Variants in NSUN7 observed in about 807,000 individuals in gnomAD.
NSUN7 encodes the protein protein NSUN7.
A neutral mutation model predicts 58.5 loss-of-function variants in NSUN7; 39 were observed. That is an observed-to-expected ratio of 0.67 (90% CI 0.52 to 0.87). The LOEUF is 0.87. Among genes scored for constraint, NSUN7 ranks in the 40% least tolerant of loss-of-function variants. The probability of loss-of-function intolerance (pLI) is 0.00; values close to 1 mark genes in which losing one functional copy is unlikely to be tolerated. For missense variants in NSUN7, 765 were observed against 844.1 expected (o/e 0.91, Z 1.16); for synonymous variants, 278 against 303.7 (o/e 0.92, Z 0.88).
Position 40,774,382 on chromosome 4 carries a change from A to T in NSUN7, c.606A>T (p.Leu202Phe), listed in dbSNP as rs1439466466. ...AACAGGAACTAAGGGCCTCCACTTTACCACTTTATGCTTGGATAAATACTT... is the reference window on the plus strand; with the variant it reads ...AACAGGAACTAAGGGCCTCCACTTTTCCACTTTATGCTTGGATAAATACTT... The part of the protein sequence containing the change: ...VRKQELRAST[L>F]PLYAWINTCK... Residue 202 changes from leucine to phenylalanine, a missense_variant, in exon 5 of 12, where the codon TTA (leucine) becomes TTT (phenylalanine). Leu to Phe is a conservative substitution (Grantham distance 22). Transcript: ENST00000381782. The T allele has an allele frequency of 3.1e-6, 5 of 1,613,916 alleles. No individual in the cohort carries two copies. The highest frequency in any genetic ancestry group is 3.4e-6 in the Non-Finnish European group (4 of 1,179,924).
chr4:40,757,725 T>TACAC (rs33941131), intron 2 of NSUN7, among the ~76,000 whole-genome samples: 6 of 142,544 alleles, frequency 4.2e-5, no homozygotes, highest in East Asian at 2.1e-4. Flanking sequence ...TGTGTATATA[T>TACAC]ACACACACAC....
intron 2 of NSUN7, among the ~76,000 whole-genome samples, chr4:40,752,384 C>G (rs961250078): frequency 6.6e-6 from 1 of 152,142 alleles, no homozygotes; most frequent in African/African-American, 2.4e-5. Context: ...CAAGACAAAC[C>G]TGGACAATAT....
chr4:40,760,184 G>T (rs111928001), intron 2 of NSUN7, among the ~76,000 whole-genome samples: 2,365 of 152,212 alleles, frequency 0.016, 71 homozygotes, highest in African/African-American at 0.054. Flanking sequence ...TTTTATTACT[G>T]CTTTGACTAT....
At position 40,774,915 on chromosome 4, in the gene NSUN7, A is replaced by G; in HGVS notation, c.790A>G (p.Ile264Val). 1 of 1,229,958 alleles carries G rather than the reference A, an allele frequency of 8.1e-7. No homozygotes were observed. The highest frequency in any genetic ancestry group is 1.2e-6 in the Non-Finnish European group (1 of 841,340). The allele number at this position is 1,229,958 out of a possible 1,614,324, so 76.2% of individuals were successfully genotyped here. The change falls in exon 6 of 12, where the codon ATA (isoleucine) becomes GTA (valine). Residue 264 changes from isoleucine to valine, a missense_variant. Coordinates refer to ENST00000381782, the MANE Select transcript of NSUN7 (RefSeq NM_024677.6). ...PSHLKNDLINIDLFKDYKLIF... is the reference protein window; with the variant it reads ...PSHLKNDLINVDLFKDYKLIF... ...TCATCTTAAAAATGATCTTATAAAT[A>G]TAGATCTTTTCAAAGATTACAAACT... is the stretch of plus-strand genomic sequence containing the variant.
At position 40,775,381 on chromosome 4, in the gene NSUN7, G is replaced by A. The variant is rs749549906; in HGVS notation, c.825+431G>A. The A allele has an allele frequency of 4.3e-4, 65 of 152,778 alleles. No homozygotes were observed. Among genetic ancestry groups the A allele is most frequent in the Admixed American group, 7.8e-4 (12 of 15,318 alleles). 9.5% of individuals were successfully genotyped at this position (152,778 alleles called of 1,614,324 possible). Reference sequence around the variant, plus strand: ...AGTCTTATAGCTTTGATTTGTAAGAGGTATATAAAGGCTATCAATATAGGA... The same window carrying A: ...AGTCTTATAGCTTTGATTTGTAAGAAGTATATAAAGGCTATCAATATAGGA... On this transcript the variant is annotated intron_variant, in intron 6 of 11. Transcript: ENST00000381782. The surrounding 1 kb of genome is among the most constrained non-coding windows in gnomAD (Gnocchi z 4.3).
At position 40,795,777 on chromosome 4, in the gene NSUN7, C is replaced by T. The variant is rs76284173; in HGVS notation, c.1282+1301C>T. Among the ~76,000 whole-genome samples, 779 of 152,236 alleles carry T rather than the reference C, an allele frequency of 5.1e-3. 3 individuals are homozygous for T. The highest frequency in any genetic ancestry group is 8.8e-3 in the Non-Finnish European group (597 of 68,002). ...AAGTCAACCACATAAAAGATAATTA[C>T]GTAATCTGTCATGGGATTAGAGTAA... On this transcript the variant is annotated intron_variant, in intron 9 of 11. Coordinates refer to ENST00000381782, the MANE Select transcript of NSUN7 (RefSeq NM_024677.6).
In NSUN7 at chr4:40,790,693, T is replaced by G. The variant is rs759655342; in HGVS notation, c.1128T>G (p.Cys376Trp). The part of the protein sequence containing the change: ...KVKVILLLPR[C>W]SGLGVSNPVE... The stretch of plus-strand genomic sequence containing the variant: ...AAGTGATTTTGCTGCTACCTCGTTG[T>G]TCAGGACTGGGTGTTAGTAATCCAG... The change falls in exon 8 of 12, where the codon TGT becomes TGG. Residue 376 changes from cysteine to tryptophan, a missense_variant. By Grantham distance (215) the Cys-to-Trp change is radical (BLOSUM62 -2). Coordinates refer to ENST00000381782, the MANE Select transcript of NSUN7 (RefSeq NM_024677.6). 1.2e-6 allele frequency: 2 copies of G among 1,604,010 alleles called. No homozygotes were observed. Among genetic ancestry groups the G allele is most frequent in the Non-Finnish European group, 1.7e-6 (2 of 1,175,344 alleles).
At chr4:40,755,552 G>A (rs904776725) in intron 2 of NSUN7, among the ~76,000 whole-genome samples, 4 of 151,976 alleles carry the variant, frequency 2.6e-5, no homozygotes, top group Non-Finnish European at 4.4e-5. Context: ...GCTGAACTTC[G>A]AATCCCAGGA....
intron 3 of NSUN7, 21 bp from the exon 4 acceptor site, chr4:40,761,148 TTA>T (rs755142917): frequency 1.9e-6 from 3 of 1,542,834 alleles, no homozygotes; most frequent in African/African-American, 2.8e-5. Context: ...ATACTTTTCT[TTA>T]TATATGTTTT....
chr4:40,753,766 C>T (rs938812281), intron 2 of NSUN7, among the ~76,000 whole-genome samples: 6 of 152,138 alleles, frequency 3.9e-5, no homozygotes, highest in East Asian at 3.9e-4. Flanking sequence ...AGGGACCTGG[C>T]GGGAGGTAAT....
chr4:40,786,193 T>C (rs2437314), intron 7 of NSUN7: 505,422 of 1,613,678 alleles, frequency 0.31, 83,083 homozygotes, highest in Non-Finnish European at 0.34. Context: ...TATTCTGGGT[T>C]TGGACTGTGC....
At position 40,808,841 on chromosome 4, in the gene NSUN7, C is replaced by T. The variant is rs1234785957; in HGVS notation, c.2059C>T (p.Pro687Ser). Residue 687 changes from proline to serine, a missense_variant, in exon 12 of 12, where the codon CCC becomes TCC. Physicochemically the swap from Pro to Ser is moderately conservative, Grantham distance 74. Transcript: ENST00000381782. ...CRWVAPKALV[P>S]TCLPTHSLSR... The stretch of plus-strand genomic sequence containing the variant: ...TTGGGTTGCACCCAAGGCACTTGTG[C>T]CCACCTGCCTTCCCACACACTCACT... 6.5e-7 allele frequency: 1 copy of T among 1,549,504 alleles called. No individual in the cohort carries two copies. The highest frequency in any genetic ancestry group is 8.7e-7 in the Non-Finnish European group (1 of 1,146,758).
chr4:40,808,563 C>G lies in NSUN7; in HGVS notation c.1781C>G (p.Thr594Ser). 6.4e-7 allele frequency: 1 copy of G among 1,551,752 alleles called. No homozygotes were observed. The change falls in exon 12 of 12, where the codon ACT (threonine) becomes AGT (serine). Residue 594 changes from threonine to serine, a missense_variant. Coordinates refer to ENST00000381782, the MANE Select transcript of NSUN7 (RefSeq NM_024677.6). ...AAACCACCTCTTCCCCAGAAAAATA[C>G]TGCTCAAGTGGGGGCTTCCTCACAG... ...VTKPPLPQKN[T>S]AQVGASSQTR...
Position 40,808,549 on chromosome 4 carries a change from T to C in NSUN7, c.1767T>C (p.Leu589=). 6.4e-7 allele frequency: 1 copy of C among 1,551,628 alleles called. No homozygotes were observed. Among genetic ancestry groups the C allele is most frequent in the South Asian group, 1.2e-5 (1 of 84,058 alleles). ...CAGAGACTGTAACAAAACCACCTCT[T>C]CCCCAGAAAAATACTGCTCAAGTGG... ...NLSETVTKPP[L]PQKNTAQVGA... The change falls in exon 12 of 12, where the codon CTT becomes CTC. Residue 589 remains leucine (L), a synonymous_variant. Transcript: ENST00000381782.
At chr4:40,789,111 T>C (rs1052632882) in intron 7 of NSUN7, among the ~76,000 whole-genome samples, 1 of 152,194 alleles carries the variant, frequency 6.6e-6, no homozygotes, top group Non-Finnish European at 1.5e-5. Context: ...TATGATGCCA[T>C]CTGTTAAGTA....
At chr4:40,787,461 G>T (rs1054971562) in intron 7 of NSUN7, among the ~76,000 whole-genome samples, 7 of 152,036 alleles carry the variant, frequency 4.6e-5, no homozygotes, top group South Asian at 4.2e-4. Context: ...TATCACTGCA[G>T]ATCCTAGATA....
At position 40,774,343 on chromosome 4, in the gene NSUN7, A is replaced by G. The variant is rs755676212; in HGVS notation, c.567A>G (p.Pro189=). 1 of 1,613,988 alleles carries G rather than the reference A, an allele frequency of 6.2e-7. No homozygotes were observed. The highest frequency in any genetic ancestry group is 8.5e-7 in the Non-Finnish European group (1 of 1,179,858). Residue 189 remains proline (P), a synonymous_variant, in exon 5 of 12, where the codon CCA becomes CCG. Transcript: ENST00000381782. ...CCCTTTCAATTTACCACATCCTTCC[A>G]GAAACAGTTAGGAAACAGGAACTAA... ...HDALSIYHIL[P]ETVRKQELRA... is the part of the protein sequence containing the mutation.
intron 8 of NSUN7, among the ~76,000 whole-genome samples, chr4:40,791,375 G>A (rs562731643): frequency 6.6e-6 from 1 of 152,230 alleles, no homozygotes; most frequent in Admixed American, 6.5e-5. Context: ...CCCTGGGCGT[G>A]GCACTTTTCT....
At chr4:40,762,800 T>C (rs1458742461) in intron 4 of NSUN7, 1 of 152,164 alleles carries the variant, frequency 6.6e-6, no homozygotes, top group Non-Finnish European at 1.5e-5. Flanking sequence ...GTGAACCTGA[T>C]TGTGAACTGC....
Sources: allele counts gnomAD v4.1 joint callset (sites outside exome capture counted in the v4.1 genomes callset), GRCh38; gene constraint gnomAD v4.1.1; non-coding constraint Gnocchi (gnomAD v3.1); transcripts MANE v1.5; gene names NCBI Gene and HGNC (gene_info 2026-07-23, HGNC 2026-07-21).